Variants in NEDD4L observed in about 807,000 individuals in gnomAD.
NEDD4L encodes the protein NEDD4 like E3 ubiquitin protein ligase, also known as E3 ubiquitin-protein ligase NEDD4-like.
In NEDD4L, 54 loss-of-function variants were observed where a neutral mutation model predicts 148.9. The observed-to-expected ratio is 0.36, with a 90% CI of 0.29 to 0.45. The LOEUF is 0.45. Ranked by LOEUF, NEDD4L falls within the 20% of genes least tolerant of loss-of-function variation. The pLI, the probability that NEDD4L is intolerant of heterozygous loss-of-function variation, is 1.00. For synonymous variants in NEDD4L, 433 were observed against 440.7 expected, an observed-to-expected ratio of 0.98 and a Z score of 0.22; for missense variants, 856 against 1,233.8, an observed-to-expected ratio of 0.69 and a Z score of 4.59.
chr18:58,095,609 G>A (rs914916484), intron 1 of NEDD4L, among the ~76,000 whole-genome samples: 1 of 152,162 alleles, frequency 6.6e-6, no homozygotes, highest in Non-Finnish European at 1.5e-5. Flanking sequence ...TGGAATCCTC[G>A]CCCATTGGGG....
At chr18:58,082,092 A>ATTTTTT in intron 1 of NEDD4L, among the ~76,000 whole-genome samples, 1 of 79,142 alleles carries the variant, frequency 1.3e-5, no homozygotes, top group African/African-American at 8.8e-5. Context: ...ATATATATAT[A>ATTTTTT]TATATATATA....
intron 19 of NEDD4L, 53 bp downstream of exon 19, chr18:58,357,305 A>T (rs2044806608): frequency 6.8e-7 from 1 of 1,467,336 alleles, no homozygotes; most frequent in Admixed American, 1.7e-5. Flanking sequence ...TTACGTGTTT[A>T]CGTGTTTCTT....
chr18:58,360,603 G>T (rs1221642576), intron 19 of NEDD4L, among the ~76,000 whole-genome samples: 3 of 151,998 alleles, frequency 2.0e-5, no homozygotes, highest in African/African-American at 7.3e-5. Context: ...GCTTTCATCT[G>T]CTTATTATTT....
chr18:58,121,609 G>C (rs188716489), intron 1 of NEDD4L, among the ~76,000 whole-genome samples: 43 of 152,240 alleles, frequency 2.8e-4, no homozygotes, highest in African/African-American at 9.1e-4. Flanking sequence ...AGGTCTCACT[G>C]TGTTGCCCAG....
intron 5 of NEDD4L, among the ~76,000 whole-genome samples, chr18:58,265,719 A>G (rs1037781855): frequency 6.6e-5 from 10 of 151,960 alleles, no homozygotes; most frequent in African/African-American, 2.2e-4. Context: ...ACATGTCAAC[A>G]CACGCAGCTA....
At chr18:58,241,736 C>G (rs909464842) in intron 2 of NEDD4L, among the ~76,000 whole-genome samples, 1 of 151,908 alleles carries the variant, frequency 6.6e-6, no homozygotes, top group African/African-American at 2.4e-5. Flanking sequence ...TCTTTTGTTT[C>G]TGGAACCTGT....
At chr18:58,255,865 G>A in intron 5 of NEDD4L, 2 of 1,232,442 alleles carry the variant, frequency 1.6e-6, no homozygotes, top group East Asian at 3.2e-5. Context: ...TGTTCATCCC[G>A]CAGCTCTTGA....
chr18:58,255,629 C>A (rs1600295820), intron 5 of NEDD4L: 5 of 1,232,492 alleles, frequency 4.1e-6, no homozygotes, highest in African/African-American at 3.1e-5. Context: ...CCTCCTGGCC[C>A]CCCTGGTCAC....
intron 23 of NEDD4L, chr18:58,371,969 C>T (rs1309472935): frequency 6.6e-6 from 1 of 152,236 alleles, no homozygotes; most frequent in Non-Finnish European, 1.5e-5. Flanking sequence ...GGACCAGGGA[C>T]AGGCGCTTAG....
chr18:58,391,529 G>T lies in NEDD4L; in HGVS notation c.2795G>T (p.Ser932Ile). The change falls in exon 30 of 31, where the codon AGT becomes ATT. Residue 932 changes from serine to isoleucine, a missense_variant. Physicochemically the swap from Ser to Ile is moderately radical, Grantham distance 142. Transcript: ENST00000400345. ...CTGTTTACAATAGAGCAATGGGGCA[G>T]TCCTGAGAAACTGCCCAGAGCTCAC... ...PQLFTIEQWG[S>I]PEKLPRAHTC... The T allele has an allele frequency of 6.3e-7, 1 of 1,582,184 alleles. No individual in the cohort carries two copies. The highest frequency in any genetic ancestry group is 1.8e-5 in the Admixed American group (1 of 55,496).
intron 2 of NEDD4L, among the ~76,000 whole-genome samples, chr18:58,228,807 A>G (rs1380134892): frequency 1.3e-5 from 2 of 152,212 alleles, no homozygotes; most frequent in South Asian, 2.1e-4. Context: ...GTATCCACAT[A>G]CAACTTGATA....
chr18:58,183,509 TG>T (rs796242934), intron 2 of NEDD4L, among the ~76,000 whole-genome samples: 49 of 152,346 alleles, frequency 3.2e-4, no homozygotes, highest in African/African-American at 1.2e-3. Context: ...ACCTGCCCTC[TG>T]GCTAGGTAGA....
chr18:58,108,077 C>T (rs900216409), intron 1 of NEDD4L, among the ~76,000 whole-genome samples: 11 of 152,260 alleles, frequency 7.2e-5, no homozygotes, highest in African/African-American at 1.7e-4. Flanking sequence ...ATCTGGGGTC[C>T]GCAGACCCAT....
intron 2 of NEDD4L, among the ~76,000 whole-genome samples, chr18:58,240,140 C>T (rs951894676): frequency 6.6e-6 from 1 of 151,918 alleles, no homozygotes; most frequent in Non-Finnish European, 1.5e-5. Context: ...CAATTCCTGG[C>T]ATGTCTCATA....
At position 58,366,073 on chromosome 18, in the gene NEDD4L, G is replaced by T. The variant is rs1426839029; in HGVS notation, c.1908G>T (p.Met636Ile). ...TTGAAGAGTCCTATCGGAGAATTAT[G>T]TCCGTGAAAAGACCAGATGTCCTAA... is the stretch of plus-strand genomic sequence containing the variant. ...NIFEESYRRI[M>I]SVKRPDVLKA... Residue 636 changes from methionine (M) to isoleucine (I), a missense_variant, in exon 21 of 31, where the codon ATG becomes ATT. Met to Ile is a conservative substitution (Grantham distance 10, BLOSUM62 1). This residue lies in a region of NEDD4L where 286 missense variants were observed against 531.8 expected (regional missense o/e 0.54). Transcript: ENST00000400345. The surrounding 1 kb of genome is among the most constrained non-coding windows in gnomAD (Gnocchi z 4.2). 1 of 1,613,366 alleles carries T rather than the reference G, an allele frequency of 6.2e-7. No individual in the cohort carries two copies. The highest frequency in any genetic ancestry group is 1.3e-5 in the African/African-American group (1 of 74,936).
rs5825274 is a variant in NEDD4L, at chr18:58,387,384, AT to A, written c.2488-43del. On this transcript the variant is annotated intron_variant, in intron 26 of 30. Transcript: ENST00000400345. ...CAGAAAAGTTTGTTTTTCCTGTGAA[AT>A]TTTTTTTTTTTGAAGGCAATAGGTG... 0.55 allele frequency: 672,492 copies of A among 1,227,896 alleles called. 132,350 individuals carry two copies. The highest frequency in any genetic ancestry group is 0.63 in the African/African-American group (39,729 of 63,122). 76.1% of individuals were successfully genotyped at this position (1,227,896 alleles called of 1,614,324 possible). A position where few individuals can be genotyped will look rare whatever the true frequency, so the allele number is the denominator to read the frequency against.
At chr18:58,169,949 T>C (rs552374691) in intron 2 of NEDD4L, among the ~76,000 whole-genome samples, 6 of 152,356 alleles carry the variant, frequency 3.9e-5, no homozygotes, top group African/African-American at 1.4e-4. Flanking sequence ...TGTTTCTTTC[T>C]CCTGAAATTA....
chr18:58,259,644 A>G (rs999215034), intron 5 of NEDD4L, among the ~76,000 whole-genome samples: 3 of 152,218 alleles, frequency 2.0e-5, no homozygotes, highest in Non-Finnish European at 4.4e-5. Flanking sequence ...ATATAACATT[A>G]CACCCGTTAC....
At chr18:58,143,501 A>C (rs549476) in intron 1 of NEDD4L, among the ~76,000 whole-genome samples, 1 of 152,070 alleles carries the variant, frequency 6.6e-6, no homozygotes, top group African/African-American at 2.4e-5. Flanking sequence ...GGGACAAGCT[A>C]TAAAGCTCTC....
Sources: gnomAD v4.1 joint callset for allele counts (sites outside exome capture counted in the v4.1 genomes callset) on GRCh38, gnomAD v4.1.1 for gene constraint, gnomAD v4.1.1 regional missense constraint, Gnocchi (gnomAD v3.1) non-coding constraint, MANE v1.5 for transcripts, NCBI Gene and HGNC (gene_info 2026-07-23, HGNC 2026-07-21) for gene names.